The following SLX9 variants were observed in gnomAD, a reference collection of about 807,000 sequenced individuals.
The protein encoded by SLX9 is SLX9 ribosome biogenesis factor.
Under a neutral mutation model 20.8 loss-of-function variants are expected in SLX9, and 19 were observed. The ratio of observed to expected loss-of-function variants is 0.91; its 90% CI spans 0.64 to 1.34. The LOEUF is 1.34. Among genes scored for constraint, SLX9 ranks in the 40% most tolerant of loss-of-function variants. SLX9 has a pLI of 0.00. For synonymous variants in SLX9, 113 were observed against 137.1 expected (o/e 0.82, Z 1.23); for missense variants, 299 against 322.2 (o/e 0.93, Z 0.55).
chr21:44,950,204 A>G (rs1365223315), intron 2 of SLX9, among the ~76,000 whole-genome samples: 2 of 151,594 alleles, frequency 1.3e-5, no homozygotes, highest in African/African-American at 4.9e-5. Context: ...TGAAAACAGA[A>G]TGAGCTCATT....
chr21:44,974,544 C>T (rs13047966), intron 5 of SLX9, among the ~76,000 whole-genome samples: 58,724 of 152,010 alleles, frequency 0.39, 12,075 homozygotes, highest in South Asian at 0.49. Flanking sequence ...AGTAAACTGT[C>T]TTTTTTAGTT....
chr21:44,969,459 G>A (rs1319588218), intron 4 of SLX9, among the ~76,000 whole-genome samples: 1 of 152,206 alleles, frequency 6.6e-6, no homozygotes. Context: ...TCCCTGCGGG[G>A]CTCTGGGCCG....
chr21:44,971,416 A>T (rs184468084), intron 4 of SLX9, among the ~76,000 whole-genome samples: 18 of 151,854 alleles, frequency 1.2e-4, no homozygotes, highest in Admixed American at 3.9e-4. Context: ...GCCTGGGAGG[A>T]TGGGGTGTGG....
chr21:44,963,183 G>C lies in SLX9; in HGVS notation c.352+3015G>C, dbSNP rs1381925208. Among the ~76,000 whole-genome samples, 3 of 151,670 alleles carry C rather than the reference G, an allele frequency of 2.0e-5. No homozygotes were observed. The East Asian group carries it at 5.8e-4, about 29-fold the overall frequency. Reference sequence around the variant, plus strand: ...GGCTCACTGCAAGCAACACCTCCTGGGTTCAAGCGATTCTTCTGCCTCAGC... The same window carrying C: ...GGCTCACTGCAAGCAACACCTCCTGCGTTCAAGCGATTCTTCTGCCTCAGC... On this transcript the variant is annotated intron_variant, in intron 3 of 5. Transcript: ENST00000291634.
intron 2 of SLX9, among the ~76,000 whole-genome samples, chr21:44,959,509 G>T (rs2084916211): frequency 6.6e-6 from 1 of 152,206 alleles, no homozygotes; most frequent in Non-Finnish European, 1.5e-5. Flanking sequence ...CGCCCACCGG[G>T]CAGGTGGCTG....
At chr21:44,943,602 C>G in intron 1 of SLX9, 82 bp from the exon 2 acceptor site, 1 of 1,555,214 alleles carries the variant, frequency 6.4e-7, no homozygotes, top group South Asian at 1.2e-5. Context: ...CTTGCATCTT[C>G]TCCTCACCTT....
chr21:44,945,350 A>G (rs1217277187), intron 2 of SLX9, among the ~76,000 whole-genome samples: 1 of 152,186 alleles, frequency 6.6e-6, no homozygotes, highest in African/African-American at 2.4e-5. Flanking sequence ...GGTTGCTGAC[A>G]AGGCCCTTAA....
intron 3 of SLX9, among the ~76,000 whole-genome samples, chr21:44,962,515 T>A (rs929392238): frequency 2.0e-5 from 3 of 152,232 alleles, no homozygotes; most frequent in Non-Finnish European, 4.4e-5. Context: ...TCCATGCCTT[T>A]TGATTGCTGA....
At chr21:44,963,743 G>T (rs974737890) in intron 3 of SLX9, among the ~76,000 whole-genome samples, 1 of 152,116 alleles carries the variant, frequency 6.6e-6, no homozygotes, top group African/African-American at 2.4e-5. Context: ...CTGTTTCTAG[G>T]CTGTCTTCTG....
intron 3 of SLX9, among the ~76,000 whole-genome samples, chr21:44,965,432 G>A (rs951891420): frequency 1.3e-5 from 2 of 152,160 alleles, no homozygotes; most frequent in Non-Finnish European, 2.9e-5. Flanking sequence ...TTCCTTGCTC[G>A]GATTTATCAT....
intron 1 of SLX9, among the ~76,000 whole-genome samples, 161 bp from the exon 2 acceptor site, chr21:44,943,523 C>T (rs1228845446): frequency 1.3e-5 from 2 of 152,180 alleles, no homozygotes; most frequent in East Asian, 1.9e-4. Flanking sequence ...GAGGCTTCTG[C>T]TCTGGGAGGT....
intron 4 of SLX9, among the ~76,000 whole-genome samples, chr21:44,968,909 A>T (rs1348346053): frequency 6.6e-6 from 1 of 152,098 alleles, no homozygotes; most frequent in Non-Finnish European, 1.5e-5. Flanking sequence ...GCCCGCCACC[A>T]TACCTGGCTA....
chr21:44,952,544 C>T (rs532211588), intron 2 of SLX9, among the ~76,000 whole-genome samples: 5 of 152,208 alleles, frequency 3.3e-5, no homozygotes, highest in Admixed American at 1.3e-4. Flanking sequence ...GCTTCAGGAC[C>T]GCCCTCCCAT....
In SLX9 at chr21:44,943,945, G is replaced by A. The variant is rs1266561150; in HGVS notation, c.283+108G>A. ...TTCCAGCTAACCTGTACCTGACAAT[G>A]TCCTTGAGCAAGGGATGCCCCTGGC... On this transcript the variant is annotated intron_variant, in intron 2 of 5. Transcript: ENST00000291634. The A allele has an allele frequency of 3.4e-6, 5 of 1,468,818 alleles. No homozygotes were observed. In the African/African-American group the frequency reaches 5.6e-5, roughly 16 times the overall value. The allele number at this position is 1,468,818 out of a possible 1,614,324, so 91.0% of individuals were successfully genotyped here.
chr21:44,972,062 G>A (rs1239601919), intron 4 of SLX9, among the ~76,000 whole-genome samples: 2 of 152,188 alleles, frequency 1.3e-5, no homozygotes, highest in Non-Finnish European at 2.9e-5. Flanking sequence ...GACACAAAAT[G>A]TCTGTCATTC....
At chr21:44,950,854 G>T (rs1023088222) in intron 2 of SLX9, among the ~76,000 whole-genome samples, 11 of 152,168 alleles carry the variant, frequency 7.2e-5, no homozygotes, top group African/African-American at 1.9e-4. Context: ...CTGCGAAAGG[G>T]GGGTGTCGGG....
intron 2 of SLX9, 52 bp from the exon 3 acceptor site, chr21:44,960,048 T>C (rs1785783714): frequency 1.3e-6 from 2 of 1,537,528 alleles, no homozygotes; most frequent in Non-Finnish European, 9.0e-7. Flanking sequence ...TCTCAGGTCA[T>C]GGGAGTGCCA....
chr21:44,946,453 G>A (rs1445110213), intron 2 of SLX9, among the ~76,000 whole-genome samples: 1 of 150,604 alleles, frequency 6.6e-6, no homozygotes, highest in African/African-American at 2.5e-5. Context: ...TGAGCCGTGC[G>A]GCAGGGTCAG....
chr21:44,949,573 A>G (rs113706938), intron 2 of SLX9, among the ~76,000 whole-genome samples: 1 of 151,876 alleles, frequency 6.6e-6, no homozygotes, highest in Non-Finnish European at 1.5e-5. Flanking sequence ...ACAGAGGCCT[A>G]CTCTTAGACG....
Sources: gnomAD v4.1 joint callset for allele counts (sites outside exome capture counted in the v4.1 genomes callset) on GRCh38, gnomAD v4.1.1 for gene constraint, MANE v1.5 for transcripts, NCBI Gene and HGNC (gene_info 2026-07-23, HGNC 2026-07-21) for gene names.